SGCZ: variants seen among roughly 807,000 people sequenced by gnomAD.
SGCZ encodes the protein sarcoglycan zeta, also known as zeta-sarcoglycan.
Under a neutral mutation model 41.3 loss-of-function variants are expected in SGCZ, and 40 were observed. The ratio of observed to expected loss-of-function variants is 0.97; its 90% CI spans 0.75 to 1.26. The LOEUF (loss-of-function observed/expected upper bound fraction) is 1.26, where lower values mean the gene tolerates loss of function less well. SGCZ is among the 50% of genes most tolerant of loss of function. The pLI is 0.00. For missense variants in SGCZ, 552 were observed against 369.8 expected, an observed-to-expected ratio of 1.49 and a Z score of -4.04; for synonymous variants, 206 against 137.5, an observed-to-expected ratio of 1.50 and a Z score of -3.49.
intron 1 of SGCZ, among the ~76,000 whole-genome samples, chr8:15,054,897 G>C (rs1408741576): frequency 1.3e-5 from 2 of 150,806 alleles, no homozygotes; most frequent in Non-Finnish European, 1.5e-5. Flanking sequence ...AGGAGGCAGA[G>C]CTTGCAGTGA....
Position 14,948,762 on chromosome 8 carries a change from T to G in SGCZ, c.39+288823A>C, listed in dbSNP as rs184216868. On this transcript the variant is annotated intron_variant, in intron 1 of 7. Coordinates refer to ENST00000382080, the MANE Select transcript of SGCZ (RefSeq NM_139167.4). Reference sequence around the variant, plus strand: ...CTATCCTTCTTGAACTCTTTCCTATTCTGACTTCCACACCCAGACACTGCT... The same window carrying G: ...CTATCCTTCTTGAACTCTTTCCTATGCTGACTTCCACACCCAGACACTGCT... Among the ~76,000 whole-genome samples the G allele has an allele frequency of 4.2e-3, 634 of 152,262 alleles. 4 individuals carry two copies. The highest frequency in any genetic ancestry group is 0.018 in the South Asian group (87 of 4,832).
chr8:14,086,992 A>C lies in SGCZ; in HGVS notation c.*3451T>G, dbSNP rs377100810. The stretch of plus-strand genomic sequence containing the variant: ...ACCAACGTAATTAAATATATGTCTT[A>C]AGTAGGTAAGTTCACATGACTAGCC... On this transcript the variant is annotated 3_prime_UTR_variant, in exon 8 of 8. Coordinates refer to ENST00000382080, the MANE Select transcript of SGCZ (RefSeq NM_139167.4). 6.6e-6 allele frequency among the ~76,000 whole-genome samples: 1 copy of C among 151,672 alleles called. No homozygotes were observed. Among genetic ancestry groups the C allele is most frequent in the Non-Finnish European group, 1.5e-5 (1 of 67,726 alleles).
At chr8:14,440,604 T>G (rs1191219944) in intron 2 of SGCZ, among the ~76,000 whole-genome samples, 1 of 152,096 alleles carries the variant, frequency 6.6e-6, no homozygotes, top group Non-Finnish European at 1.5e-5. Flanking sequence ...GTTAAAATTG[T>G]TAAATAATTG....
chr8:15,060,875 A>G (rs943100496), intron 1 of SGCZ, among the ~76,000 whole-genome samples: 2 of 152,080 alleles, frequency 1.3e-5, no homozygotes, highest in Non-Finnish European at 2.9e-5. Context: ...TGGAGCTCAA[A>G]TTTCAGTTTA....
chr8:15,093,095 TTA>T (rs1806210653), intron 1 of SGCZ, among the ~76,000 whole-genome samples: 2 of 152,170 alleles, frequency 1.3e-5, no homozygotes. Context: ...GCCCTCCTCC[TTA>T]GTAGTCCATC....
intron 1 of SGCZ, among the ~76,000 whole-genome samples, chr8:15,216,679 A>AT (rs1489081559): frequency 6.6e-6 from 1 of 152,186 alleles, no homozygotes; most frequent in Non-Finnish European, 1.5e-5. Context: ...TTGTTACTTT[A>AT]TATTCCTGGA....
intron 2 of SGCZ, among the ~76,000 whole-genome samples, chr8:14,474,598 C>A (rs191319384): frequency 2.0e-5 from 3 of 152,194 alleles, no homozygotes; most frequent in African/African-American, 7.2e-5. Flanking sequence ...TACTAGGTAG[C>A]CCTGTATAAA....
At chr8:14,425,551 G>A (rs1799757333) in intron 2 of SGCZ, among the ~76,000 whole-genome samples, 1 of 151,890 alleles carries the variant, frequency 6.6e-6, no homozygotes, top group Non-Finnish European at 1.5e-5. Context: ...AAACCACGAG[G>A]CAGACGTTGC....
chr8:14,609,226 A>T (rs1447031291), intron 1 of SGCZ, among the ~76,000 whole-genome samples: 1 of 152,068 alleles, frequency 6.6e-6, no homozygotes, highest in Admixed American at 6.6e-5. Context: ...AATAAATGAA[A>T]TTTTTGCCTG....
intron 1 of SGCZ, among the ~76,000 whole-genome samples, chr8:15,030,576 T>C (rs1428920106): frequency 2.0e-5 from 3 of 152,140 alleles, no homozygotes; most frequent in African/African-American, 4.8e-5. Context: ...AAAAATGTTC[T>C]ATGTGATCTG....
At chr8:15,144,857 T>A (rs530699333) in intron 1 of SGCZ, among the ~76,000 whole-genome samples, 1 of 152,314 alleles carries the variant, frequency 6.6e-6, no homozygotes, top group East Asian at 1.9e-4. Context: ...TTTCCTATCA[T>A]TTTCCGGTGT....
At chr8:14,951,980 T>C (rs1190159931) in intron 1 of SGCZ, among the ~76,000 whole-genome samples, 3 of 152,178 alleles carry the variant, frequency 2.0e-5, no homozygotes, top group Admixed American at 6.5e-5. Context: ...ATTCATTTGA[T>C]GAGAATTTTT....
At chr8:15,170,963 G>A (rs116688682) in intron 1 of SGCZ, among the ~76,000 whole-genome samples, 2,532 of 152,262 alleles carry the variant, frequency 0.017, 62 homozygotes, top group African/African-American at 0.055. Context: ...GTAGCTGTGT[G>A]TATTCTAACA....
In SGCZ at chr8:14,414,074, T is replaced by C. The variant is rs181430108; in HGVS notation, c.235-89870A>G. On this transcript the variant is annotated intron_variant, in intron 2 of 7. Coordinates refer to ENST00000382080, the MANE Select transcript of SGCZ (RefSeq NM_139167.4). ...CAACAGTTGAGATCCACGTTAGTTT[T>C]AACATCAGATAAATTTAGCAGTCTT... Among the ~76,000 whole-genome samples, 236 of 152,142 alleles carry C rather than the reference T, an allele frequency of 1.6e-3. 1 individual carries two copies. Among genetic ancestry groups the C allele is most frequent in the Non-Finnish European group, 2.7e-3 (182 of 67,952 alleles).
chr8:14,148,060 T>C (rs1803581831), intron 5 of SGCZ, among the ~76,000 whole-genome samples: 1 of 151,918 alleles, frequency 6.6e-6, no homozygotes, highest in Non-Finnish European at 1.5e-5. Context: ...AAAATAGTAC[T>C]CAGAGGGACC....
At chr8:14,150,774 A>G (rs1214411524) in intron 5 of SGCZ, among the ~76,000 whole-genome samples, 1 of 152,174 alleles carries the variant, frequency 6.6e-6, no homozygotes, top group Non-Finnish European at 1.5e-5. Flanking sequence ...AAACAACCTA[A>G]GTGTCCATCA....
intron 1 of SGCZ, among the ~76,000 whole-genome samples, chr8:14,884,591 C>T (rs1264974034): frequency 6.6e-6 from 1 of 151,644 alleles, no homozygotes; most frequent in Admixed American, 6.6e-5. Flanking sequence ...GAAGGAACTA[C>T]TCTCATGGTT....
intron 2 of SGCZ, among the ~76,000 whole-genome samples, chr8:14,496,638 ATTCT>A (rs1341469443): frequency 6.6e-6 from 1 of 152,086 alleles, no homozygotes; most frequent in African/African-American, 2.4e-5. Context: ...AATTAATCAC[ATTCT>A]TTATTTTTTG....
At chr8:14,134,421 G>C (rs73522460) in intron 5 of SGCZ, among the ~76,000 whole-genome samples, 3,290 of 152,206 alleles carry the variant, frequency 0.022, 139 homozygotes, top group African/African-American at 0.075. Context: ...AAAGATGACA[G>C]GTATGAATGA....
Sources: allele counts gnomAD v4.1 joint callset (sites outside exome capture counted in the v4.1 genomes callset), GRCh38; gene constraint gnomAD v4.1.1; transcripts MANE v1.5; gene names NCBI Gene and HGNC (gene_info 2026-07-23, HGNC 2026-07-21).